Variants in FAM20C observed in about 807,000 individuals in gnomAD.
FAM20C encodes extracellular serine/threonine protein kinase FAM20C.
FAM20C carries 40 observed loss-of-function variants against 51.5 expected under a neutral mutation model. The observed-to-expected ratio is 0.78, with a 90% CI of 0.60 to 1.01. FAM20C has a LOEUF of 1.01. Among genes scored for constraint, FAM20C ranks in the 50% least tolerant of loss-of-function variants. The pLI is 0.00. For synonymous variants in FAM20C, 406 were observed against 380.6 expected, an observed-to-expected ratio of 1.07 and a Z score of -0.78; for missense variants, 861 against 844.7, an observed-to-expected ratio of 1.02 and a Z score of -0.24.
In FAM20C at chr7:193,165, G is replaced by C. The variant is rs1342187676; in HGVS notation, c.-35G>C. On this transcript the variant is annotated 5_prime_UTR_variant, in exon 1 of 10. Coordinates refer to ENST00000313766, the MANE Select transcript of FAM20C (RefSeq NM_020223.4). ...CTGCAGCTAGAGGGGCGCGCGGGCA[G>C]AACGCGCTCCAGGCCCGGGCCGGCC... 7.0e-7 allele frequency: 1 copy of C among 1,430,486 alleles called. No individual in the cohort carries two copies. Among genetic ancestry groups the C allele is most frequent in the East Asian group, 3.2e-5 (1 of 31,510 alleles). The allele number at this position is 1,430,486 out of a possible 1,614,324, so 88.6% of individuals were successfully genotyped here.
At chr7:207,324 C>T (rs1427806253) in intron 2 of FAM20C, among the ~76,000 whole-genome samples, 18 of 104,404 alleles carry the variant, frequency 1.7e-4, no homozygotes, top group South Asian at 3.5e-4. Flanking sequence ...GCGTCGGTCA[C>T]TGTCCCCTCG....
chr7:214,727 G>A (rs376733230), intron 3 of FAM20C, among the ~76,000 whole-genome samples: 5 of 152,170 alleles, frequency 3.3e-5, no homozygotes, highest in East Asian at 1.9e-4. Flanking sequence ...TAGGAGACCC[G>A]GCACTGGCTT....
At chr7:205,769 C>T (rs1786350709) in intron 2 of FAM20C, among the ~76,000 whole-genome samples, 1 of 152,132 alleles carries the variant, frequency 6.6e-6, no homozygotes, top group Non-Finnish European at 1.5e-5. Flanking sequence ...CGTCTGCGCC[C>T]TCCCCCGTGC....
chr7:246,632 G>A (rs1788176730), intron 4 of FAM20C, 125 bp downstream of exon 4: 1 of 431,092 alleles, frequency 2.3e-6, no homozygotes, highest in East Asian at 4.5e-5. Context: ...GGCAGCGCCG[G>A]TGCCTGCTCT....
At chr7:220,712 A>G (rs1189568679) in intron 3 of FAM20C, among the ~76,000 whole-genome samples, 1 of 152,100 alleles carries the variant, frequency 6.6e-6, no homozygotes, top group Admixed American at 6.5e-5. Context: ...CAGGGGAGAG[A>G]GGCCGGAGGG....
chr7:232,270 A>C (rs1787722177), intron 3 of FAM20C, among the ~76,000 whole-genome samples: 1 of 152,190 alleles, frequency 6.6e-6, no homozygotes, highest in Non-Finnish European at 1.5e-5. Context: ...GCCCTGGGTG[A>C]GCAGACCTTG....
intron 2 of FAM20C, 24 bp from the exon 3 acceptor site, chr7:208,874 T>G: frequency 6.4e-7 from 1 of 1,555,858 alleles, no homozygotes; most frequent in Middle Eastern, 1.7e-4. Context: ...AGAGTGACCC[T>G]GTTTCTCTCC....
rs369618346 is a variant in FAM20C at position 257,924 on chromosome 7, C to A, written c.1446-722C>A. Reference sequence around the variant, plus strand: ...GGAGATGGGCTGGGTGGACACACTGCCTGGGGTGCTGGAGATGCCCGGGGT... The same window carrying A: ...GGAGATGGGCTGGGTGGACACACTGACTGGGGTGCTGGAGATGCCCGGGGT... On this transcript the variant is annotated intron_variant, in intron 8 of 9. Transcript: ENST00000313766. 4.9e-3 allele frequency among the ~76,000 whole-genome samples: 311 copies of A among 63,158 alleles called. 41 individuals carry two copies. Among genetic ancestry groups the A allele is most frequent in the Non-Finnish European group, 9.5e-3 (222 of 23,450 alleles). 41.4% of individuals were successfully genotyped at this position (63,158 alleles called of 152,430 possible).
chr7:231,143 G>A (rs995771654), intron 3 of FAM20C, among the ~76,000 whole-genome samples: 4 of 152,186 alleles, frequency 2.6e-5, no homozygotes, highest in African/African-American at 9.7e-5. Context: ...TCCCATCCAA[G>A]CATCAGGAAG....
chr7:235,480 A>G lies in FAM20C; in HGVS notation c.864-10935A>G, dbSNP rs929248767. Among the ~76,000 whole-genome samples, 4 of 152,224 alleles carry G rather than the reference A, an allele frequency of 2.6e-5. No homozygotes were observed. In the East Asian group the frequency reaches 5.8e-4, roughly 22 times the overall value. On this transcript the variant is annotated intron_variant, in intron 3 of 9. Coordinates refer to ENST00000313766, the MANE Select transcript of FAM20C (RefSeq NM_020223.4). Reference sequence around the variant, plus strand: ...CCAACCCCCGGGCAGGTGAAGTTCTATTCCACCCTGCACATAGTCAGCTTG... The same window carrying G: ...CCAACCCCCGGGCAGGTGAAGTTCTGTTCCACCCTGCACATAGTCAGCTTG...
chr7:222,925 T>C (rs1328920175), intron 3 of FAM20C, among the ~76,000 whole-genome samples: 1 of 151,808 alleles, frequency 6.6e-6, no homozygotes, highest in Non-Finnish European at 1.5e-5. Context: ...CATGTGTGGG[T>C]GTGTGTACAC....
chr7:210,055 C>T (rs1046248318), intron 3 of FAM20C, among the ~76,000 whole-genome samples: 5 of 152,170 alleles, frequency 3.3e-5, no homozygotes, highest in Admixed American at 1.3e-4. Context: ...GAGCCCGGGC[C>T]GAGGGCATCC....
intron 2 of FAM20C, among the ~76,000 whole-genome samples, chr7:206,037 C>T (rs918236135): frequency 6.6e-6 from 1 of 152,138 alleles, no homozygotes; most frequent in African/African-American, 2.4e-5. Flanking sequence ...GCTCCACGCC[C>T]TCAGCACACG....
rs1436160700 is a variant in FAM20C, at chr7:201,586, C to T, written c.784+5854C>T. Among the ~76,000 whole-genome samples, 5 of 152,214 alleles carry T rather than the reference C, an allele frequency of 3.3e-5. No homozygotes were observed. The East Asian group carries it at 9.6e-4, about 29-fold the overall frequency. On this transcript the variant is annotated intron_variant, in intron 2 of 9. Coordinates refer to ENST00000313766, the MANE Select transcript of FAM20C (RefSeq NM_020223.4). ...TCTGGGTTCTTCCTTCTAGAGCTTC[C>T]CAGTGGGTTGCCGGAGCTGTCTGGG... is the stretch of plus-strand genomic sequence containing the variant.
intron 5 of FAM20C, among the ~76,000 whole-genome samples, chr7:255,242 C>T (rs747131286): frequency 2.6e-5 from 4 of 152,142 alleles, no homozygotes; most frequent in Admixed American, 6.5e-5. Context: ...CCGTCCCAGC[C>T]GGCAGCTGCT....
chr7:256,499 G>A (rs1788595240), intron 6 of FAM20C, 155 bp from the exon 7 acceptor site: 5 of 655,216 alleles, frequency 7.6e-6, no homozygotes, highest in African/African-American at 1.8e-5. Flanking sequence ...CCACACCCGT[G>A]CTCCCGCTAA....
In FAM20C at chr7:193,711, G is replaced by A. The variant is rs973094493; in HGVS notation, c.512G>A (p.Arg171Gln). Residue 171 changes from arginine to glutamine, a missense_variant, in exon 1 of 10, where the codon CGG becomes CAG. Arg to Gln is a conservative substitution (Grantham distance 43). Around this residue, in one of 3 missense-constraint regions of FAM20C, gnomAD observed 561 missense variants for 499.8 expected, o/e 1.12. Coordinates refer to ENST00000313766, the MANE Select transcript of FAM20C (RefSeq NM_020223.4). ...LARLFEHPLY[R>Q]VAVPPLTEED... ...AGGCTGTTCGAGCACCCGCTTTACC[G>A]GGTGGCGGTTCCGCCGCTCACGGAG... 3 of 1,546,632 alleles carry A rather than the reference G, an allele frequency of 1.9e-6. No homozygotes were observed. The highest frequency in any genetic ancestry group is 1.4e-5 in the African/African-American group (1 of 72,886).
At position 209,029 on chromosome 7, in the gene FAM20C, G is replaced by A. The variant is rs1352888792; in HGVS notation, c.863+53G>A. 8 of 1,534,256 alleles carry A rather than the reference G, an allele frequency of 5.2e-6. No homozygotes were observed. The East Asian group carries it at 1.5e-4, about 28-fold the overall frequency. On this transcript the variant is annotated intron_variant, in intron 3 of 9. Coordinates refer to ENST00000313766, the MANE Select transcript of FAM20C (RefSeq NM_020223.4). ...CGTGAGGAGCTGGAGCTGCAGGCGA[G>A]CAGGCGCCGGGCTTCTGCTGGGGAT...
At chr7:252,946 T>G (rs1788456393) in intron 5 of FAM20C, among the ~76,000 whole-genome samples, 2 of 152,260 alleles carry the variant, frequency 1.3e-5, no homozygotes, top group African/African-American at 4.8e-5. Flanking sequence ...AGCTTTGCAT[T>G]TCTGCAAGGT....
Sources: gnomAD v4.1 joint callset for allele counts (sites outside exome capture counted in the v4.1 genomes callset) on GRCh38, gnomAD v4.1.1 for gene constraint, gnomAD v4.1.1 regional missense constraint, MANE v1.5 for transcripts, NCBI Gene and HGNC (gene_info 2026-07-23, HGNC 2026-07-21) for gene names.